Variants in TBCD observed in about 807,000 individuals in gnomAD.
The protein encoded by TBCD is tubulin folding cofactor D, also known as tubulin-specific chaperone D.
In TBCD, 105 loss-of-function variants were observed where a neutral mutation model predicts 169.3. That is an observed-to-expected ratio of 0.62 (90% CI 0.53 to 0.73). TBCD has a LOEUF of 0.73. TBCD is among the 30% of genes least tolerant of loss of function. TBCD has a pLI of 0.00. For missense variants in TBCD, 1,444 were observed against 1,600.1 expected, an observed-to-expected ratio of 0.90 and a Z score of 1.66; for synonymous variants, 700 against 643.9, an observed-to-expected ratio of 1.09 and a Z score of -1.32.
In TBCD at chr17:82,929,483, G is replaced by A. The variant is rs1316112591; in HGVS notation, c.2974G>A (p.Gly992Ser). 1.9e-5 allele frequency: 30 copies of A among 1,607,968 alleles called. No homozygotes were observed. The highest frequency in any genetic ancestry group is 4.5e-5 in the East Asian group (2 of 44,894). ...GCTGGGGCTAGTCGTGTCCCTGGGCGGCTTGACGGAGTCGACGGTGAGGAG... is the reference window on the plus strand; with the variant it reads ...GCTGGGGCTAGTCGTGTCCCTGGGCAGCTTGACGGAGTCGACGGTGAGGAG... ...VLLGLVVSLG[G>S]LTESTIRHST... The change falls in exon 32 of 39, where the codon GGC becomes AGC. Residue 992 changes from glycine (G) to serine (S), a missense_variant. Coordinates refer to ENST00000355528, the MANE Select transcript of TBCD (RefSeq NM_005993.5).
intron 37 of TBCD, among the ~76,000 whole-genome samples, chr17:82,940,341 G>T (rs953149525): frequency 6.6e-6 from 1 of 152,216 alleles, no homozygotes; most frequent in Non-Finnish European, 1.5e-5. Flanking sequence ...ACCCGGGGTG[G>T]TGGAGTCCCA....
intron 13 of TBCD, among the ~76,000 whole-genome samples, chr17:82,837,824 G>T (rs965797381): frequency 1.3e-5 from 2 of 152,130 alleles, no homozygotes; most frequent in Non-Finnish European, 2.9e-5. Flanking sequence ...CACCTCCTCC[G>T]AGCCTGGCCT....
rs982154571 is a variant in TBCD, at chr17:82,806,290, C to T, written c.1087+279C>T. On this transcript the variant is annotated intron_variant, in intron 10 of 38. Transcript: ENST00000355528. This position sits in a 1 kb window ranked among gnomAD's most constrained non-coding sequence, Gnocchi z 5.1. ...CCTGTTCTGGGCAGCTGGGTGTGTCCTCAGGAAACAGTTCTCCCAGGAAAT... is the reference window on the plus strand; with the variant it reads ...CCTGTTCTGGGCAGCTGGGTGTGTCTTCAGGAAACAGTTCTCCCAGGAAAT... Among the ~76,000 whole-genome samples the T allele has an allele frequency of 6.6e-6, 1 of 152,162 alleles. No individual in the cohort carries two copies. The highest frequency in any genetic ancestry group is 1.5e-5 in the Non-Finnish European group (1 of 68,010).
chr17:82,818,703 C>T lies in TBCD; in HGVS notation c.1318+3769C>T, dbSNP rs141819598. On this transcript the variant is annotated intron_variant, in intron 13 of 38. Transcript: ENST00000355528. ...GCCCTTCGGCCTCCTCCATGTCACA[C>T]GGCTGAGCTGTCCCTGCACCTCCTT... Among the ~76,000 whole-genome samples the T allele has an allele frequency of 1.2e-3, 176 of 152,370 alleles. 2 individuals carry two copies. Among genetic ancestry groups the T allele is most frequent in the African/African-American group, 3.9e-3 (162 of 41,594 alleles).
intron 1 of TBCD, 147 bp from the exon 2 acceptor site, chr17:82,756,018 C>G: frequency 2.8e-6 from 2 of 723,868 alleles, no homozygotes; most frequent in Non-Finnish European, 2.4e-6. Context: ...GTGTGGCCTC[C>G]TTTAGTGAGA....
At chr17:82,914,688 C>T (rs1396884734) in intron 23 of TBCD, among the ~76,000 whole-genome samples, 3 of 152,212 alleles carry the variant, frequency 2.0e-5, no homozygotes, top group Non-Finnish European at 1.5e-5. Context: ...GGCGCCGGCC[C>T]TCCTTGTGCA....
intron 7 of TBCD, among the ~76,000 whole-genome samples, chr17:82,794,431 C>T (rs1167124483): frequency 1.3e-5 from 2 of 152,218 alleles, no homozygotes; most frequent in South Asian, 2.1e-4. Context: ...CCATGCAGGG[C>T]TGTTTTCCTC....
At chr17:82,807,786 C>T (rs2051085995) in intron 11 of TBCD, 118 bp downstream of exon 11, 3 of 705,644 alleles carry the variant, frequency 4.3e-6, no homozygotes, top group Admixed American at 4.1e-5. Context: ...CCTCGGCCCC[C>T]TCCAACTTAT....
At chr17:82,822,318 C>T (rs999176182) in intron 13 of TBCD, among the ~76,000 whole-genome samples, 17 of 152,118 alleles carry the variant, frequency 1.1e-4, no homozygotes, top group African/African-American at 3.9e-4. Flanking sequence ...TGGATAAAGT[C>T]GTTAAGAAAA....
Position 82,889,520 on chromosome 17 carries a change from T to C in TBCD, c.1534-148T>C, listed in dbSNP as rs2058983528. The C allele has an allele frequency of 1.1e-6, 1 of 882,042 alleles. No homozygotes were observed. 54.6% of individuals were successfully genotyped at this position (882,042 alleles called of 1,614,324 possible). A position where few individuals can be genotyped will look rare whatever the true frequency, so the allele number is the denominator to read the frequency against. ...GGACGTAAAAACAGAGTGACGCACC[T>C]TGAGGCTCTGTTCAGCCAACAATGA... On this transcript the variant is annotated intron_variant, in intron 15 of 38. Transcript: ENST00000355528. The surrounding 1 kb of genome is among the most constrained non-coding windows in gnomAD (Gnocchi z 5.3).
chr17:82,876,459 C>T (rs912315986), intron 14 of TBCD, among the ~76,000 whole-genome samples: 16 of 152,236 alleles, frequency 1.1e-4, no homozygotes, highest in African/African-American at 2.4e-4. Flanking sequence ...GAGAGGCCCA[C>T]GTGGGACGTT....
intron 2 of TBCD, among the ~76,000 whole-genome samples, chr17:82,758,400 A>AAAAAAAAAT (rs1035939621): frequency 1.1e-4 from 11 of 100,036 alleles, no homozygotes; most frequent in East Asian, 6.3e-4. Flanking sequence ...AAAAAAAAAA[A>AAAAAAAAAT]AAATAAATAA....
chr17:82,868,012 G>C (rs2057298977), intron 13 of TBCD, among the ~76,000 whole-genome samples: 1 of 152,208 alleles, frequency 6.6e-6, no homozygotes, highest in African/African-American at 2.4e-5. Context: ...TGCCGTGTGT[G>C]GCCGTGCAGG....
chr17:82,772,659 A>C (rs1270074625), intron 6 of TBCD, among the ~76,000 whole-genome samples, 152 bp downstream of exon 6: 2 of 152,136 alleles, frequency 1.3e-5, no homozygotes, highest in African/African-American at 4.8e-5. Context: ...AGTGTGCAGC[A>C]GTGTTTGGGC....
chr17:82,885,420 T>A (rs886682578), intron 15 of TBCD, among the ~76,000 whole-genome samples: 2 of 152,194 alleles, frequency 1.3e-5, no homozygotes, highest in African/African-American at 2.4e-5. Flanking sequence ...CTGAAGTAGT[T>A]AGAAGTCTTT....
chr17:82,926,783 A>G, intron 28 of TBCD: 1 of 542,400 alleles, frequency 1.8e-6, no homozygotes, highest in East Asian at 3.2e-5. Context: ...CAGTGTTTGG[A>G]ATGATCTCTG....
intron 23 of TBCD, 85 bp downstream of exon 23, chr17:82,911,874 C>T (rs1329616818): frequency 6.4e-6 from 9 of 1,412,540 alleles, no homozygotes; most frequent in East Asian, 2.3e-5. Context: ...TGCAGGGCGG[C>T]CCATTAGCCC....
In TBCD at chr17:82,930,379, C is replaced by T. The variant is rs1348133882; in HGVS notation, c.2992-143C>T. ...GAGTGGCTCCGTGCTGGCGTCCGCACCAGCCGCTTGGGGCCAGACCTTCGC... is the reference window on the plus strand; with the variant it reads ...GAGTGGCTCCGTGCTGGCGTCCGCATCAGCCGCTTGGGGCCAGACCTTCGC... On this transcript the variant is annotated intron_variant, in intron 32 of 38. Coordinates refer to ENST00000355528, the MANE Select transcript of TBCD (RefSeq NM_005993.5). This position sits in a 1 kb window ranked among gnomAD's most constrained non-coding sequence, Gnocchi z 5.2. 3.1e-6 allele frequency: 4 copies of T among 1,288,266 alleles called. No homozygotes were observed. In the African/African-American group the frequency reaches 6.0e-5, roughly 19 times the overall value. The allele number at this position is 1,288,266 out of a possible 1,614,324, so 79.8% of individuals were successfully genotyped here.
intron 13 of TBCD, among the ~76,000 whole-genome samples, chr17:82,829,278 C>G (rs1325901836): frequency 6.7e-6 from 1 of 149,362 alleles, no homozygotes; most frequent in Non-Finnish European, 1.5e-5. Context: ...CACTCGCAGA[C>G]ATGCACACCC....
Sources: allele counts gnomAD v4.1 joint callset (sites outside exome capture counted in the v4.1 genomes callset), GRCh38; gene constraint gnomAD v4.1.1; non-coding constraint Gnocchi (gnomAD v3.1); transcripts MANE v1.5; gene names NCBI Gene and HGNC (gene_info 2026-07-23, HGNC 2026-07-21).